SYN3: variants seen among roughly 807,000 people sequenced by gnomAD.
The protein encoded by SYN3 is synapsin III.
In SYN3, 35 loss-of-function variants were observed where a neutral mutation model predicts 65.8. The observed-to-expected ratio is 0.53, with a 90% CI of 0.41 to 0.70. The LOEUF (loss-of-function observed/expected upper bound fraction) is 0.70. SYN3 is among the 30% of genes least tolerant of loss of function. SYN3 has a pLI of 0.00. For missense variants in SYN3, 680 were observed against 749.0 expected, an observed-to-expected ratio of 0.91 and a Z score of 1.08; for synonymous variants, 270 against 292.9, an observed-to-expected ratio of 0.92 and a Z score of 0.80.
chr22:32,640,026 C>T lies in SYN3; in HGVS notation c.712-43290G>A, dbSNP rs140412194. On this transcript the variant is annotated intron_variant, in intron 6 of 13. Transcript: ENST00000358763. ...ATCCATATGTTCTAGAACTGCAAAA[C>T]TGTTCTCTCCACAAACACACAGGCC... Among the ~76,000 whole-genome samples the T allele has an allele frequency of 1.8e-4, 27 of 152,334 alleles. No individual in the cohort carries two copies. The East Asian group carries it at 5.0e-3, about 28-fold the overall frequency.
intron 6 of SYN3, among the ~76,000 whole-genome samples, chr22:32,798,523 C>A (rs977954255): frequency 3.3e-5 from 5 of 152,044 alleles, no homozygotes; most frequent in Non-Finnish European, 1.5e-5. Flanking sequence ...GATATGAACT[C>A]ACCTTTCCTA....
At position 32,630,184 on chromosome 22, in the gene SYN3, A is replaced by C. The variant is rs143829425; in HGVS notation, c.712-33448T>G. ...TTTTTAGTAGAGACGGGGTTTCACC[A>C]TGTTGGCCAAGATGATCTCCATCTC... On this transcript the variant is annotated intron_variant, in intron 6 of 13. Transcript: ENST00000358763. 6.2e-3 allele frequency among the ~76,000 whole-genome samples: 946 copies of C among 152,048 alleles called. 11 individuals carry two copies. The highest frequency in any genetic ancestry group is 0.022 in the African/African-American group (906 of 41,454).
intron 6 of SYN3, among the ~76,000 whole-genome samples, chr22:32,664,974 T>C (rs2060269449): frequency 1.4e-5 from 2 of 147,466 alleles, no homozygotes; most frequent in South Asian, 2.2e-4. Flanking sequence ...CCAAAGTCCA[T>C]TGTATAATGT....
intron 6 of SYN3, among the ~76,000 whole-genome samples, chr22:32,620,014 C>T (rs2059572769): frequency 6.6e-6 from 1 of 152,226 alleles, no homozygotes; most frequent in African/African-American, 2.4e-5. Flanking sequence ...AACTGACCAC[C>T]AATGGATGAA....
intron 6 of SYN3, among the ~76,000 whole-genome samples, chr22:32,613,780 C>T (rs758068902): frequency 9.2e-5 from 14 of 152,212 alleles, no homozygotes; most frequent in Admixed American, 6.5e-5. Context: ...ATCAAACCCT[C>T]TGCCATTCCA....
At chr22:32,621,877 G>T (rs1362950705) in intron 6 of SYN3, among the ~76,000 whole-genome samples, 1 of 152,062 alleles carries the variant, frequency 6.6e-6, no homozygotes, top group Non-Finnish European at 1.5e-5. Flanking sequence ...GGAAGAGCAG[G>T]CCTCCTGACT....
intron 1 of SYN3, among the ~76,000 whole-genome samples, chr22:33,022,328 C>T (rs2053574463): frequency 6.6e-6 from 1 of 152,206 alleles, no homozygotes; most frequent in South Asian, 2.1e-4. Flanking sequence ...TAGGGACAGG[C>T]TGAGAACTCC....
At chr22:32,840,389 G>A (rs1253335849) in intron 6 of SYN3, among the ~76,000 whole-genome samples, 7 of 152,060 alleles carry the variant, frequency 4.6e-5, no homozygotes, top group Admixed American at 6.5e-5. Flanking sequence ...CCTTTGAAAC[G>A]GACAAGAGAG....
intron 6 of SYN3, among the ~76,000 whole-genome samples, chr22:32,722,263 A>C (rs550531494): frequency 6.6e-6 from 1 of 152,280 alleles, no homozygotes; most frequent in South Asian, 2.1e-4. Flanking sequence ...GGGGTTGCCT[A>C]AGTAGACTAA....
intron 6 of SYN3, among the ~76,000 whole-genome samples, chr22:32,765,424 A>T (rs1429293773): frequency 6.6e-6 from 1 of 152,128 alleles, no homozygotes; most frequent in Non-Finnish European, 1.5e-5. Flanking sequence ...TTCCCCCTGT[A>T]TGCTGTCATT....
chr22:33,032,436 C>T (rs1023610380), intron 1 of SYN3, among the ~76,000 whole-genome samples: 2 of 151,216 alleles, frequency 1.3e-5, no homozygotes, highest in South Asian at 2.1e-4. Flanking sequence ...ACCTGAGAGA[C>T]GAAGGTTGCA....
intron 1 of SYN3, among the ~76,000 whole-genome samples, chr22:33,032,704 T>C (rs1300867000): frequency 6.6e-6 from 1 of 152,076 alleles, no homozygotes; most frequent in Non-Finnish European, 1.5e-5. Flanking sequence ...GACTCTGGTG[T>C]CTTTACTGAA....
chr22:32,736,329 T>A (rs2061336329), intron 6 of SYN3, among the ~76,000 whole-genome samples: 1 of 152,226 alleles, frequency 6.6e-6, no homozygotes, highest in Non-Finnish European at 1.5e-5. Context: ...TGCTAGAGTT[T>A]CATATAAAAG....
At chr22:32,553,301 T>G (rs1459678478) in intron 7 of SYN3, among the ~76,000 whole-genome samples, 2 of 152,158 alleles carry the variant, frequency 1.3e-5, no homozygotes, top group Non-Finnish European at 2.9e-5. Flanking sequence ...GGCCAATAAA[T>G]GCAATGCAGT....
At chr22:32,766,302 AT>A (rs1352842865) in intron 6 of SYN3, among the ~76,000 whole-genome samples, 2 of 152,180 alleles carry the variant, frequency 1.3e-5, no homozygotes, top group Non-Finnish European at 2.9e-5. Context: ...ATCACCTAGA[AT>A]AGAAGCTCCA....
In SYN3 at chr22:32,508,284, G is replaced by C. The variant is rs140780810; in HGVS notation, c.*5408C>G. On this transcript the variant is annotated 3_prime_UTR_variant, in exon 14 of 14. Coordinates refer to ENST00000358763, the MANE Select transcript of SYN3 (RefSeq NM_003490.4). ...TCCTTCTTCTGGCTCAGAAGCTCCC[G>C]CACTGAGCACCTTGTGACCCCCGCC... Among the ~76,000 whole-genome samples, 3,887 of 151,996 alleles carry C rather than the reference G, an allele frequency of 0.026. 143 individuals are homozygous for C. The highest frequency in any genetic ancestry group is 0.08 in the African/African-American group (3,293 of 41,406).
rs532184818 is a variant in SYN3, at chr22:32,648,401, T to C, written c.712-51665A>G. Among the ~76,000 whole-genome samples, 10 of 152,360 alleles carry C rather than the reference T, an allele frequency of 6.6e-5. No homozygotes were observed. The East Asian group carries it at 1.9e-3, about 29-fold the overall frequency. On this transcript the variant is annotated intron_variant, in intron 6 of 13. Coordinates refer to ENST00000358763, the MANE Select transcript of SYN3 (RefSeq NM_003490.4). ...ATCAGTTTCTTTGAAAATAGGTTTA[T>C]TGAAGATAAAACTTAAAAATATCAA...
intron 1 of SYN3, 77 bp from the exon 2 acceptor site, chr22:33,006,901 G>A: frequency 2.6e-6 from 1 of 388,714 alleles, no homozygotes; most frequent in Admixed American, 4.1e-5. Flanking sequence ...GCGCTTTCCT[G>A]CCCCACTGCA....
At chr22:32,763,154 GT>G (rs869144291) in intron 6 of SYN3, among the ~76,000 whole-genome samples, 6 of 69,228 alleles carry the variant, frequency 8.7e-5, no homozygotes, top group Admixed American at 1.4e-4. Context: ...TGTTGTTGTT[GT>G]TTTTTTTTTG....
Sources: allele counts gnomAD v4.1 joint callset (sites outside exome capture counted in the v4.1 genomes callset), GRCh38; gene constraint gnomAD v4.1.1; transcripts MANE v1.5; gene names NCBI Gene and HGNC (gene_info 2026-07-23, HGNC 2026-07-21).